Variants in TMEM26 observed in about 807,000 individuals in gnomAD.
The protein encoded by TMEM26 is transmembrane protein 26.
TMEM26 carries 38 observed loss-of-function variants against 28.8 expected under a neutral mutation model. The ratio of observed to expected loss-of-function variants is 1.32; its 90% CI spans 1.02 to 1.73. The LOEUF (loss-of-function observed/expected upper bound fraction) is 1.73, where lower values mean the gene tolerates loss of function less well. TMEM26 is among the 40% of genes most tolerant of loss of function. TMEM26 has a pLI of 0.00. For synonymous variants in TMEM26, 227 were observed against 182.9 expected (o/e 1.24, Z -1.95); for missense variants, 518 against 447.1 (o/e 1.16, Z -1.43).
chr10:61,442,789 G>T (rs1444157593), intron 1 of TMEM26, among the ~76,000 whole-genome samples: 1 of 152,182 alleles, frequency 6.6e-6, no homozygotes, highest in African/African-American at 2.4e-5. Flanking sequence ...AGACTCATTT[G>T]TCTAAGTGGG....
At chr10:61,435,248 C>A (rs1036269059) in intron 2 of TMEM26, among the ~76,000 whole-genome samples, 2 of 152,162 alleles carry the variant, frequency 1.3e-5, no homozygotes, top group African/African-American at 4.8e-5. Context: ...GTGGTACAAT[C>A]TCGGCTCACT....
chr10:61,442,824 A>G (rs1366491447), intron 1 of TMEM26, among the ~76,000 whole-genome samples: 1 of 152,230 alleles, frequency 6.6e-6, no homozygotes, highest in East Asian at 1.9e-4. Flanking sequence ...ATTTCCATCA[A>G]GGCTGCTTGG....
rs75276055 is a variant in TMEM26, at chr10:61,442,805, A to G, written c.192-6557T>C. Reference sequence around the variant, plus strand: ...GACTCATTTGTCTAAGTGGGCCTTAACATGTATGATTTCCATCAAGGCTGC... The same window carrying G: ...GACTCATTTGTCTAAGTGGGCCTTAGCATGTATGATTTCCATCAAGGCTGC... On this transcript the variant is annotated intron_variant, in intron 1 of 5. Transcript: ENST00000399298. Among the ~76,000 whole-genome samples, 367 of 152,356 alleles carry G rather than the reference A, an allele frequency of 2.4e-3. 1 individual carries two copies. The highest frequency in any genetic ancestry group is 8.5e-3 in the African/African-American group (354 of 41,596).
intron 2 of TMEM26, among the ~76,000 whole-genome samples, chr10:61,433,344 G>A (rs1016607474): frequency 1.3e-5 from 2 of 152,072 alleles, no homozygotes; most frequent in Admixed American, 6.6e-5. Context: ...TATTATTTTG[G>A]GGATTATATT....
intron 1 of TMEM26, among the ~76,000 whole-genome samples, chr10:61,451,535 TC>T (rs1279052293): frequency 6.7e-5 from 10 of 149,606 alleles, no homozygotes; most frequent in African/African-American, 2.4e-4. Context: ...AACACTTTTC[TC>T]CCCCTTTGTT....
intron 1 of TMEM26, among the ~76,000 whole-genome samples, chr10:61,439,747 T>C (rs1038447301): frequency 6.6e-6 from 1 of 152,158 alleles, no homozygotes; most frequent in Non-Finnish European, 1.5e-5. Flanking sequence ...AATAAGACAA[T>C]GTATGCAATG....
chr10:61,416,951 G>C (rs562646683), intron 4 of TMEM26, among the ~76,000 whole-genome samples: 1 of 151,900 alleles, frequency 6.6e-6, no homozygotes, highest in South Asian at 2.1e-4. Flanking sequence ...CACAAAATAC[G>C]GAAGAATGTG....
rs772793474 is a variant in TMEM26, at chr10:61,453,041, A to G, written c.41T>C (p.Leu14Ser). ...GACCAGCGAGTGCAGCAGGAACAGC[A>G]ACCGAGTGGCCAGGGCGTTAAGGAA... ...LVFLNALATR[L>S]LFLLHSLVGV... is the part of the protein sequence containing the mutation. The change falls in exon 1 of 6, where the codon TTG (leucine) becomes TCG (serine). Residue 14 changes from leucine to serine, a missense_variant. By Grantham distance (145) the Leu-to-Ser change is moderately radical. Coordinates refer to ENST00000399298, the MANE Select transcript of TMEM26 (RefSeq NM_178505.8). 6.2e-7 allele frequency: 1 copy of G among 1,613,706 alleles called. No homozygotes were observed. The highest frequency in any genetic ancestry group is 8.5e-7 in the Non-Finnish European group (1 of 1,179,988).
chr10:61,408,519 T>C lies in TMEM26; in HGVS notation c.*1803A>G, dbSNP rs1839523958. The C allele has an allele frequency of 6.6e-6, 1 of 152,324 alleles. No homozygotes were observed. Among genetic ancestry groups the C allele is most frequent in the East Asian group, 1.9e-4 (1 of 5,194 alleles). The allele number at this position is 152,324 out of a possible 1,614,324, so 9.4% of individuals were successfully genotyped here. On this transcript the variant is annotated 3_prime_UTR_variant, in exon 6 of 6. Transcript: ENST00000399298. ...TGCAATAATAAGCAGCACATACATG[T>C]TGTGGAAGAAAATATTCAACATAAA...
At chr10:61,434,244 A>G (rs1194316509) in intron 2 of TMEM26, among the ~76,000 whole-genome samples, 1 of 152,180 alleles carries the variant, frequency 6.6e-6, no homozygotes, top group East Asian at 1.9e-4. Context: ...AAATGAGTCA[A>G]ATCCATTACT....
At chr10:61,430,128 TTA>T (rs35570139) in intron 3 of TMEM26, among the ~76,000 whole-genome samples, 2,238 of 151,980 alleles carry the variant, frequency 0.015, 44 homozygotes, top group East Asian at 0.079. Context: ...AGGAAGCACA[TTA>T]GTAGAGTAAA....
intron 1 of TMEM26, among the ~76,000 whole-genome samples, chr10:61,452,229 C>T (rs1840297120): frequency 6.6e-6 from 1 of 152,232 alleles, no homozygotes; most frequent in Non-Finnish European, 1.5e-5. Flanking sequence ...GACTGAACCA[C>T]TACCTGCTGG....
At chr10:61,431,584 T>C (rs950704200) in intron 2 of TMEM26, among the ~76,000 whole-genome samples, 1 of 152,138 alleles carries the variant, frequency 6.6e-6, no homozygotes, top group African/African-American at 2.4e-5. Context: ...CTCTGAGTCA[T>C]TGCAGAGAGC....
intron 1 of TMEM26, among the ~76,000 whole-genome samples, chr10:61,446,461 A>G (rs1357366338): frequency 1.3e-5 from 2 of 152,204 alleles, no homozygotes; most frequent in Non-Finnish European, 2.9e-5. Flanking sequence ...TTCCTAGTCC[A>G]TATAAAAGTT....
Position 61,431,369 on chromosome 10 carries a change from A to T in TMEM26, c.271-37T>A, listed in dbSNP as rs779154520. ...GTCAGGGAAGGCAATTATGGCAAAA[A>T]ATTAGCACAATATGGTAGAGATCAA... On this transcript the variant is annotated intron_variant, in intron 2 of 5. Transcript: ENST00000399298. 6 of 1,444,686 alleles carry T rather than the reference A, an allele frequency of 4.2e-6. No homozygotes were observed. In the South Asian group the frequency reaches 5.7e-5, roughly 14 times the overall value. The allele number at this position is 1,444,686 out of a possible 1,614,324, so 89.5% of individuals were successfully genotyped here. A position where few individuals can be genotyped will look rare whatever the true frequency, so the allele number is the denominator to read the frequency against.
At chr10:61,436,558 C>T (rs1345945164) in intron 1 of TMEM26, among the ~76,000 whole-genome samples, 1 of 152,134 alleles carries the variant, frequency 6.6e-6, no homozygotes, top group Non-Finnish European at 1.5e-5. Context: ...GTTTCAGGCA[C>T]AACACTGGAT....
intron 4 of TMEM26, among the ~76,000 whole-genome samples, chr10:61,425,588 A>G (rs980086717): frequency 1.3e-5 from 2 of 152,312 alleles, no homozygotes; most frequent in African/African-American, 4.8e-5. Flanking sequence ...AATTCTTACA[A>G]CTCAATAATA....
chr10:61,434,201 A>G (rs1839966418), intron 2 of TMEM26, among the ~76,000 whole-genome samples: 2 of 152,072 alleles, frequency 1.3e-5, no homozygotes, highest in Non-Finnish European at 2.9e-5. Context: ...GCCCAATTCA[A>G]CCTCTGGGCA....
In TMEM26 at chr10:61,420,391, G is replaced by A. The variant is rs184959263; in HGVS notation, c.606-6856C>T. Among the ~76,000 whole-genome samples, 138 of 152,008 alleles carry A rather than the reference G, an allele frequency of 9.1e-4. 5 individuals carry two copies. The East Asian group carries it at 0.023, about 25-fold the overall frequency. The stretch of plus-strand genomic sequence containing the variant: ...GGAGGTGAAAGGAGAGGCCAGAGAG[G>A]CAGGCACACCCAATGTAAGTTTTAT... On this transcript the variant is annotated intron_variant, in intron 4 of 5. Coordinates refer to ENST00000399298, the MANE Select transcript of TMEM26 (RefSeq NM_178505.8).
Sources: gnomAD v4.1 joint callset for allele counts (sites outside exome capture counted in the v4.1 genomes callset) on GRCh38, gnomAD v4.1.1 for gene constraint, MANE v1.5 for transcripts, NCBI Gene and HGNC (gene_info 2026-07-23, HGNC 2026-07-21) for gene names.